Variants in CRHR1 observed in about 807,000 individuals in gnomAD.
The protein encoded by CRHR1 is corticotropin-releasing hormone receptor 1.
Under a neutral mutation model 56.0 loss-of-function variants are expected in CRHR1, and 28 were observed. The observed-to-expected ratio is 0.50, with a 90% CI of 0.37 to 0.69. The LOEUF is 0.69. Among genes scored for constraint, CRHR1 ranks in the 30% least tolerant of loss-of-function variants. The pLI, the probability that CRHR1 is intolerant of heterozygous loss-of-function variation, is 0.00. For synonymous variants in CRHR1, 195 were observed against 216.5 expected, an observed-to-expected ratio of 0.90 and a Z score of 0.87; for missense variants, 376 against 548.0, an observed-to-expected ratio of 0.69 and a Z score of 3.13.
At chr17:45,787,674 C>T (rs984880712) in intron 1 of CRHR1, among the ~76,000 whole-genome samples, 1 of 152,198 alleles carries the variant, frequency 6.6e-6, no homozygotes, top group East Asian at 1.9e-4. Flanking sequence ...ACGTTACTCC[C>T]GAGGCTCTGC....
chr17:45,833,731 C>T lies in CRHR1; in HGVS notation c.947C>T (p.Thr316Ile). 5.6e-6 allele frequency: 9 copies of T among 1,602,204 alleles called. No individual in the cohort carries two copies. The highest frequency in any genetic ancestry group is 1.1e-5 in the South Asian group (1 of 90,762). Residue 316 changes from threonine (T) to isoleucine (I), a missense_variant, in exon 11 of 13, where the codon ACT becomes ATT. Transcript: ENST00000314537. ...CACCCCAGGAAGGCTGTGAAAGCCA[C>T]TCTGGTGCTGCTGCCCCTCCTGGGC... ...TIQYRKAVKA[T>I]LVLLPLLGIT... is the part of the protein sequence containing the mutation.
chr17:45,792,262 G>A (rs150347289), intron 1 of CRHR1, among the ~76,000 whole-genome samples: 40 of 152,276 alleles, frequency 2.6e-4, no homozygotes, highest in Admixed American at 1.2e-3. Context: ...TCTAAGCCAC[G>A]CCCTTCCCCT....
intron 5 of CRHR1, chr17:45,829,557 C>G: frequency 6.5e-7 from 1 of 1,548,566 alleles, no homozygotes; most frequent in Non-Finnish European, 8.7e-7. Context: ...TCACCCATAC[C>G]CAGGCCAGGC....
chr17:45,830,351 C>T, intron 6 of CRHR1, 66 bp from the exon 7 acceptor site: 1 of 1,578,850 alleles, frequency 6.3e-7, no homozygotes, highest in Non-Finnish European at 8.6e-7. Flanking sequence ...CTGGGGAGGC[C>T]CAGGCCCAGG....
chr17:45,804,279 A>G (rs2061680389), intron 1 of CRHR1, among the ~76,000 whole-genome samples: 1 of 152,168 alleles, frequency 6.6e-6, no homozygotes. Flanking sequence ...GTTATGCTTC[A>G]GAACCTGGAG....
chr17:45,830,275 C>T (rs951553487), intron 6 of CRHR1, 61 bp downstream of exon 6: 127 of 1,605,800 alleles, frequency 7.9e-5, no homozygotes, highest in Non-Finnish European at 1.0e-4. Context: ...AGGAGGGGCC[C>T]GCCTGCCCTG....
At chr17:45,827,321 C>A (rs2062185879) in intron 4 of CRHR1, among the ~76,000 whole-genome samples, 1 of 152,250 alleles carries the variant, frequency 6.6e-6, no homozygotes, top group South Asian at 2.1e-4. Flanking sequence ...CTGCGCTCCT[C>A]CCGCCCAGCC....
At chr17:45,818,863 A>G (rs1453321878) in intron 3 of CRHR1, among the ~76,000 whole-genome samples, 1 of 151,958 alleles carries the variant, frequency 6.6e-6, no homozygotes, top group Non-Finnish European at 1.5e-5. Flanking sequence ...AAAAATATCT[A>G]TTTTCCCGTG....
chr17:45,812,529 T>A (rs748079568), intron 2 of CRHR1, among the ~76,000 whole-genome samples: 15 of 152,304 alleles, frequency 9.8e-5, no homozygotes, highest in Middle Eastern at 6.8e-3. Flanking sequence ...TTTGTGGCAC[T>A]GGAACTGGAG....
intron 2 of CRHR1, among the ~76,000 whole-genome samples, chr17:45,811,515 G>A (rs922558715): frequency 2.0e-5 from 3 of 152,230 alleles, no homozygotes; most frequent in East Asian, 1.9e-4. Flanking sequence ...CTAAAGGCCT[G>A]TGGTGACGTG....
In CRHR1 at chr17:45,784,617, C is replaced by T. The variant is rs1568022463; in HGVS notation, c.33+40C>T. The T allele has an allele frequency of 1.3e-6, 2 of 1,529,930 alleles. No homozygotes were observed. The highest frequency in any genetic ancestry group is 8.8e-7 in the Non-Finnish European group (1 of 1,137,272). The allele number at this position is 1,529,930 out of a possible 1,614,324, so 94.8% of individuals were successfully genotyped here. On this transcript the variant is annotated intron_variant, in intron 1 of 12. Coordinates refer to ENST00000314537, the MANE Select transcript of CRHR1 (RefSeq NM_004382.5). This position sits in a 1 kb window ranked among gnomAD's most constrained non-coding sequence, Gnocchi z 4.2. Reference sequence around the variant, plus strand: ...GCCATCCCTCGAGCGCTGGCGCCCCCGGCCCCTGGCGGACGCGGGACGGGG... The same window carrying T: ...GCCATCCCTCGAGCGCTGGCGCCCCTGGCCCCTGGCGGACGCGGGACGGGG...
chr17:45,834,665 C>T lies in CRHR1; in HGVS notation c.1149C>T (p.Asp383=), dbSNP rs781325346. The change falls in exon 13 of 13, where the codon GAC becomes GAT. Residue 383 remains aspartate (D), a synonymous_variant. Coordinates refer to ENST00000314537, the MANE Select transcript of CRHR1 (RefSeq NM_004382.5). ...AIRKRWHRWQ[D]KHSIRARVAR... ...GGAAGAGGTGGCACCGGTGGCAGGA[C>T]AAGCACTCGATCCGTGCCCGAGTGG... is the stretch of plus-strand genomic sequence containing the variant. 1.2e-6 allele frequency: 2 copies of T among 1,613,486 alleles called. No individual in the cohort carries two copies. The highest frequency in any genetic ancestry group is 1.7e-6 in the Non-Finnish European group (2 of 1,179,896).
At chr17:45,829,703 G>A (rs758810158) in intron 5 of CRHR1, 40 of 1,492,398 alleles carry the variant, frequency 2.7e-5, no homozygotes, top group Non-Finnish European at 3.7e-5. Flanking sequence ...CGGGGATGGG[G>A]ATGGTTGGGA....
intron 4 of CRHR1, among the ~76,000 whole-genome samples, chr17:45,822,672 G>GA (rs2062067565): frequency 6.6e-6 from 1 of 152,150 alleles, no homozygotes; most frequent in Non-Finnish European, 1.5e-5. Context: ...CCAACATGGT[G>GA]AAACCCCATC....
At chr17:45,829,917 G>T (rs1370487270) in intron 5 of CRHR1, among the ~76,000 whole-genome samples, 177 bp from the exon 6 acceptor site, 1 of 152,094 alleles carries the variant, frequency 6.6e-6, no homozygotes, top group Non-Finnish European at 1.5e-5. Flanking sequence ...AGGCAGGAAG[G>T]GCTCCATGGG....
intron 4 of CRHR1, among the ~76,000 whole-genome samples, chr17:45,823,635 C>T (rs62057122): frequency 0.14 from 21,820 of 152,146 alleles, 2,140 homozygotes; most frequent in Middle Eastern, 0.22. Flanking sequence ...GCCCAGGCTC[C>T]GGAGCACAGG....
At chr17:45,810,974 T>TC (rs1324106687) in intron 2 of CRHR1, among the ~76,000 whole-genome samples, 1 of 152,196 alleles carries the variant, frequency 6.6e-6, no homozygotes, top group Non-Finnish European at 1.5e-5. Flanking sequence ...ACCTGGCTGC[T>TC]CCCCCTCTGG....
At chr17:45,816,439 CT>C in intron 2 of CRHR1, 23 bp from the exon 3 acceptor site, 1 of 1,613,252 alleles carries the variant, frequency 6.2e-7, no homozygotes, top group Non-Finnish European at 8.5e-7. Context: ...CTTGCTGTGC[CT>C]TACCAGCCGT....
rs1283027134 is a variant in CRHR1 at position 45,834,623 on chromosome 17, G to A, written c.1108-1G>A. 8 of 1,609,414 alleles carry A rather than the reference G, an allele frequency of 5.0e-6. No individual in the cohort carries two copies. Among genetic ancestry groups the A allele is most frequent in the Non-Finnish European group, 6.8e-6 (8 of 1,177,798 alleles). On this transcript the variant is annotated splice_acceptor_variant, in intron 12 of 12. Coordinates refer to ENST00000314537, the MANE Select transcript of CRHR1 (RefSeq NM_004382.5). LOFTEE classifies it high-confidence loss of function. The stretch of plus-strand genomic sequence containing the variant: ...TGTCGTGCTCCTCCCTGTGCCCACA[G>A]GTCCGTTCTGCCATCCGGAAGAGGT...
Sources: allele counts gnomAD v4.1 joint callset (sites outside exome capture counted in the v4.1 genomes callset), GRCh38; gene constraint gnomAD v4.1.1; non-coding constraint Gnocchi (gnomAD v3.1); transcripts MANE v1.5; gene names NCBI Gene and HGNC (gene_info 2026-07-23, HGNC 2026-07-21).